The following GEMIN8 variants were observed in gnomAD, a reference collection of about 807,000 sequenced individuals.
GEMIN8 encodes gem nuclear organelle associated protein 8.
For missense variants in GEMIN8, 185 were observed against 205.9 expected, an observed-to-expected ratio of 0.90 and a Z score of 0.62; for synonymous variants, 80 against 78.5, an observed-to-expected ratio of 1.02 and a Z score of -0.10.
At chrX:14,026,400 T>A in intron 1 of GEMIN8, 179 bp from the exon 2 acceptor site, 4 of 750,127 alleles carry the variant, frequency 5.3e-6, no homozygotes, top group Non-Finnish European at 6.3e-6. Context: ...AAAAACAGGG[T>A]TGAGGTCATT....
chrX:14,005,939 CAT>C (rs1054262379), downstream of GEMIN8, among the ~76,000 whole-genome samples: 10 of 111,317 alleles, frequency 9.0e-5, no homozygotes, highest in African/African-American at 2.9e-4. Context: ...GCCTCCAACA[CAT>C]GTTCCCCTCG....
chrX:14,029,332 C>T (rs1193882725), intron 1 of GEMIN8: 1 of 112,372 alleles, frequency 8.9e-6, no homozygotes, highest in Middle Eastern at 4.6e-3. Flanking sequence ...ATGTGGCTGT[C>T]CTGGGCGATC....
intron 2 of GEMIN8, among the ~76,000 whole-genome samples, chrX:14,022,853 C>A (rs1043875732): frequency 2.7e-5 from 3 of 112,215 alleles, no homozygotes; most frequent in Non-Finnish European, 5.6e-5. Flanking sequence ...ACAAACTTTA[C>A]TTGTTTTATA....
At chrX:13,998,327 G>C in the GEMIN8 span, among the ~76,000 whole-genome samples, 1 of 110,252 alleles carries the variant, frequency 9.1e-6, no homozygotes, top group Non-Finnish European at 1.9e-5. Flanking sequence ...CAATCCCCAC[G>C]TCAAGGGAGG....
the GEMIN8 span, among the ~76,000 whole-genome samples, chrX:13,999,192 A>G: frequency 8.7e-4 from 97 of 111,291 alleles, no homozygotes; most frequent in African/African-American, 2.9e-3. Flanking sequence ...AACATTATAC[A>G]TAACTATGGT....
At chrX:14,009,577 C>T (rs1374114508) in intron 4 of GEMIN8, among the ~76,000 whole-genome samples, 1 of 111,142 alleles carries the variant, frequency 9.0e-6, no homozygotes. Flanking sequence ...TGGTGAAGAG[C>T]CACAAGGAAA....
At chrX:14,016,844 CAAAAAAAAAAAAAAA>C (rs1174566527) in intron 4 of GEMIN8, among the ~76,000 whole-genome samples, 23 of 22,587 alleles carry the variant, frequency 1.0e-3, no homozygotes, top group East Asian at 2.8e-3. Flanking sequence ...GAATCTGTCT[CAAAAAAAAAAAAAAA>C]AAAAAAAATA....
chrX:14,000,011 TG>T, the GEMIN8 span, among the ~76,000 whole-genome samples: 4 of 111,163 alleles, frequency 3.6e-5, no homozygotes, highest in Non-Finnish European at 7.6e-5. Context: ...CACACTCAAA[TG>T]GGGGAGAGAG....
Position 14,014,255 on chromosome X carries a change from C to T in GEMIN8, c.473-5086G>A, listed in dbSNP as rs191363557. ...CCAAAATGAATAATTGTAGCACAAC[C>T]GAGGGAAAGCACAAACTTGATGTAT... On this transcript the variant is annotated intron_variant, in intron 4 of 4. Transcript: ENST00000680255. The T allele has an allele frequency of 2.4e-5, 18 of 750,871 alleles. No individual in the cohort carries two copies. In the East Asian group the frequency reaches 7.6e-4, roughly 32 times the overall value. The allele number at this position is 750,871 out of a possible 1,213,427, so 61.9% of individuals were successfully genotyped here.
the GEMIN8 span, among the ~76,000 whole-genome samples, chrX:13,985,226 T>C: frequency 8.9e-6 from 1 of 111,947 alleles, no homozygotes; most frequent in African/African-American, 3.2e-5. Flanking sequence ...GGGTCCATTC[T>C]GGTTTGCTCT....
chrX:14,001,675 C>T, the GEMIN8 span, among the ~76,000 whole-genome samples: 1 of 111,962 alleles, frequency 8.9e-6, no homozygotes, highest in East Asian at 2.9e-4. Flanking sequence ...TGTGCACCAC[C>T]ACACCCCGCT....
rs755403547 is a variant in GEMIN8, at chrX:14,013,979, T to C, written c.473-4810A>G. On this transcript the variant is annotated intron_variant, in intron 4 of 4. Transcript: ENST00000680255. ...GGTATTTTTCACATCAATCTATTTGTCTACATGATGTGACCAATGTCACAT... is the reference window on the plus strand; with the variant it reads ...GGTATTTTTCACATCAATCTATTTGCCTACATGATGTGACCAATGTCACAT... The C allele has an allele frequency of 7.1e-6, 5 of 704,103 alleles. No homozygotes were observed. The African/African-American group carries it at 7.2e-5, about 10-fold the overall frequency. The allele number at this position is 704,103 out of a possible 1,213,427, so 58.0% of individuals were successfully genotyped here. A position where few individuals can be genotyped will look rare whatever the true frequency, so the allele number is the denominator to read the frequency against.
In GEMIN8 at chrX:14,029,757, C is replaced by T. The variant is rs1001898063; in HGVS notation, c.-116+20G>A. On this transcript the variant is annotated intron_variant, in intron 1 of 4. Coordinates refer to ENST00000680255, the MANE Select transcript of GEMIN8 (RefSeq NM_001042479.2). ...TCCTCCCTCACTCCCCAAAGGAAAC[C>T]CAGCCGTCCCCGAAGTCACCTCGTG... 3 of 113,114 alleles carry T rather than the reference C, an allele frequency of 2.7e-5. No individual in the cohort carries two copies. Among genetic ancestry groups the T allele is most frequent in the African/African-American group, 9.6e-5 (3 of 31,182 alleles). 9.3% of individuals were successfully genotyped at this position (113,114 alleles called of 1,213,427 possible).
rs1923312235 is a variant in GEMIN8, at chrX:14,008,630, T to G, written c.*283A>C. 2.1e-5 allele frequency: 7 copies of G among 326,020 alleles called. No homozygotes were observed. The highest frequency in any genetic ancestry group is 2.6e-5 in the Non-Finnish European group (5 of 188,742). 26.9% of individuals were successfully genotyped at this position (326,020 alleles called of 1,213,427 possible). ...CAGGCAGTATCTCTAGGCAAGAACG[T>G]TAATGAATTGAACTGTTACCAACAA... On this transcript the variant is annotated 3_prime_UTR_variant, in exon 5 of 5. Coordinates refer to ENST00000680255, the MANE Select transcript of GEMIN8 (RefSeq NM_001042479.2).
At chrX:14,012,088 T>G (rs1270893218) in intron 4 of GEMIN8, among the ~76,000 whole-genome samples, 1 of 110,475 alleles carries the variant, frequency 9.1e-6, no homozygotes, top group Non-Finnish European at 1.9e-5. Context: ...CCTCTGCTTT[T>G]GATTCTTATT....
At chrX:13,998,871 A>G in the GEMIN8 span, among the ~76,000 whole-genome samples, 1 of 112,233 alleles carries the variant, frequency 8.9e-6, no homozygotes, top group Non-Finnish European at 1.9e-5. Context: ...TATAACACAT[A>G]TTACATACCT....
intron 4 of GEMIN8, chrX:14,014,334 T>C (rs1263325331): frequency 2.7e-6 from 2 of 750,057 alleles, no homozygotes; most frequent in East Asian, 1.5e-4. Flanking sequence ...CACAGGTACA[T>C]GCCAGCAGAA....
chrX:14,006,086 T>G (rs1323979878), downstream of GEMIN8, among the ~76,000 whole-genome samples: 1 of 105,822 alleles, frequency 9.4e-6, no homozygotes, highest in Non-Finnish European at 1.9e-5. Flanking sequence ...TGGAGTGCAA[T>G]GGCGCAATCT....
At chrX:14,022,011 GTATACACATGTATA>G (rs1443479562) in intron 2 of GEMIN8, among the ~76,000 whole-genome samples, 7 of 95,650 alleles carry the variant, frequency 7.3e-5, no homozygotes, top group Non-Finnish European at 1.4e-4. Context: ...ATATATGTAT[GTATACACATGTATA>G]TATACACATG....
Sources: gnomAD v4.1 joint callset for allele counts (sites outside exome capture counted in the v4.1 genomes callset) on GRCh38, gnomAD v4.1.1 for gene constraint, MANE v1.5 for transcripts, NCBI Gene and HGNC (gene_info 2026-07-23, HGNC 2026-07-21) for gene names.